The following PCDHA6 variants were observed in gnomAD, a reference collection of about 807,000 sequenced individuals.
The protein encoded by PCDHA6 is protocadherin alpha 6.
A neutral mutation model predicts 60.3 loss-of-function variants in PCDHA6; 55 were observed. The ratio of observed to expected loss-of-function variants is 0.91; its 90% confidence interval spans 0.73 to 1.14. The LOEUF (loss-of-function observed/expected upper bound fraction) is 1.14, where lower values mean the gene tolerates loss of function less well. PCDHA6 is among the 50% of genes most tolerant of loss of function. The probability of loss-of-function intolerance (pLI) is 0.00; values close to 1 mark genes in which losing one functional copy is unlikely to be tolerated. For synonymous variants in PCDHA6, 652 were observed against 557.9 expected (o/e 1.17, Z -2.38); for missense variants, 1,327 against 1,256.5 (o/e 1.06, Z -0.85).
At position 140,854,896 on chromosome 5, in the gene PCDHA6, G is replaced by A. The variant is rs181663374; in HGVS notation, c.2394+24411G>A. Among the ~76,000 whole-genome samples, 38 of 149,756 alleles carry A rather than the reference G, an allele frequency of 2.5e-4. 1 individual carries two copies. Among genetic ancestry groups the A allele is most frequent in the African/African-American group, 4.6e-4 (19 of 40,968 alleles). On this transcript the variant is annotated intron_variant, in intron 1 of 3. Coordinates refer to ENST00000529310, the MANE Select transcript of PCDHA6 (RefSeq NM_018909.4). ...TGTGTCTTTTGGGCATTTGAAAAGC[G>A]TAAATATAACAGGGTTGAAAGCATT...
chr5:140,897,726 A>T (rs149995278), intron 1 of PCDHA6, among the ~76,000 whole-genome samples: 22,632 of 152,088 alleles, frequency 0.15, 1,739 homozygotes, highest in Middle Eastern at 0.2. Flanking sequence ...GCTGGGTCAA[A>T]TAGTATTTCT....
chr5:140,868,968 C>G (rs782210353), intron 1 of PCDHA6: 16 of 1,446,356 alleles, frequency 1.1e-5, no homozygotes, highest in Middle Eastern at 2.0e-4. Flanking sequence ...TACAAAGGAA[C>G]TCCATCATAC....
intron 1 of PCDHA6, among the ~76,000 whole-genome samples, chr5:140,956,666 G>T (rs1232573740): frequency 6.6e-6 from 1 of 152,088 alleles, no homozygotes; most frequent in African/African-American, 2.4e-5. Flanking sequence ...GGCCTTAAAG[G>T]AGTTAGGGAG....
intron 1 of PCDHA6, chr5:140,884,056 G>T (rs782776341): frequency 6.2e-7 from 1 of 1,613,358 alleles, no homozygotes; most frequent in Non-Finnish European, 8.5e-7. Flanking sequence ...AGGTGCGCGC[G>T]GTGGACGCCG....
intron 1 of PCDHA6, among the ~76,000 whole-genome samples, chr5:140,937,820 G>T (rs554138611): frequency 2.6e-5 from 4 of 151,792 alleles, no homozygotes; most frequent in African/African-American, 9.7e-5. Flanking sequence ...GCTGAGGCAG[G>T]AGAATGGCAT....
Position 140,829,457 on chromosome 5 carries a change from G to C in PCDHA6, c.1366G>C (p.Ala456Pro). 2.5e-6 allele frequency: 4 copies of C among 1,613,878 alleles called. No homozygotes were observed. Among genetic ancestry groups the C allele is most frequent in the Non-Finnish European group, 3.4e-6 (4 of 1,180,036 alleles). Reference protein sequence around the residue: ...ADMNDNAPAFAQPEYTVFVKE... With the variant: ...ADMNDNAPAFPQPEYTVFVKE... The stretch of plus-strand genomic sequence containing the variant: ...CATGAATGACAATGCTCCGGCGTTC[G>C]CGCAGCCCGAGTACACAGTGTTCGT... The change falls in exon 1 of 4, where the codon GCG (alanine) becomes CCG (proline). Residue 456 changes from alanine to proline, a missense_variant. Coordinates refer to ENST00000529310, the MANE Select transcript of PCDHA6 (RefSeq NM_018909.4).
chr5:140,943,357 A>G (rs974685573), intron 1 of PCDHA6, among the ~76,000 whole-genome samples: 3 of 152,026 alleles, frequency 2.0e-5, no homozygotes, highest in Non-Finnish European at 4.4e-5. Flanking sequence ...AGTAGAGGAA[A>G]GGAGATCATT....
intron 1 of PCDHA6, among the ~76,000 whole-genome samples, chr5:140,933,701 A>G (rs1204346571): frequency 6.6e-6 from 1 of 151,814 alleles, no homozygotes; most frequent in East Asian, 1.9e-4. Flanking sequence ...CCTCGGACAC[A>G]TTTACTGAGA....
At chr5:140,834,895 G>A (rs1773362050) in intron 1 of PCDHA6, 1 of 1,603,034 alleles carries the variant, frequency 6.2e-7, no homozygotes, top group African/African-American at 1.4e-5. Flanking sequence ...CTCACTTACA[G>A]ACTGAGCCCC....
At chr5:140,877,347 G>A (rs2057054618) in intron 1 of PCDHA6, 3 of 1,614,010 alleles carry the variant, frequency 1.9e-6, no homozygotes, top group Admixed American at 1.7e-5. Flanking sequence ...TCCACGTGGG[G>A]CTGTACACTG....
At chr5:140,877,995 T>A in intron 1 of PCDHA6, 1 of 1,054,404 alleles carries the variant, frequency 9.5e-7, no homozygotes. Context: ...AACTTTTATG[T>A]ATTTGTCTAA....
At chr5:140,862,992 C>A (rs781974665) in intron 1 of PCDHA6, 3 of 548,132 alleles carry the variant, frequency 5.5e-6, no homozygotes, top group Admixed American at 1.9e-5. Flanking sequence ...AAGGTGCGCA[C>A]GGTGGACTCC....
intron 1 of PCDHA6, chr5:140,882,003 G>C: frequency 2.0e-6 from 1 of 492,180 alleles, no homozygotes; most frequent in Non-Finnish European, 3.4e-6. Flanking sequence ...AATGCAAGGG[G>C]CAAAAAAATA....
chr5:140,840,052 T>C (rs1449998966), intron 1 of PCDHA6, among the ~76,000 whole-genome samples: 1 of 152,072 alleles, frequency 6.6e-6, no homozygotes, highest in Non-Finnish European at 1.5e-5. Flanking sequence ...GGAAGTCTAA[T>C]GTCTTGACAA....
intron 1 of PCDHA6, chr5:140,877,261 G>T: frequency 6.2e-7 from 1 of 1,613,814 alleles, no homozygotes; most frequent in South Asian, 1.1e-5. Context: ...AGTGCGCGCG[G>T]TGGACGCTGA....
intron 1 of PCDHA6, among the ~76,000 whole-genome samples, chr5:140,906,048 C>A (rs1482228569): frequency 1.3e-5 from 2 of 152,170 alleles, no homozygotes; most frequent in South Asian, 2.1e-4. Context: ...TTTATTCTGG[C>A]TGCACTGGCA....
chr5:140,893,795 C>T (rs1030354295), intron 1 of PCDHA6, among the ~76,000 whole-genome samples: 34 of 152,002 alleles, frequency 2.2e-4, no homozygotes, highest in African/African-American at 7.7e-4. Context: ...TTAGAATTCC[C>T]TCCTTGTCTT....
At chr5:140,850,542 T>G (rs1554144492) in intron 1 of PCDHA6, 1 of 1,597,608 alleles carries the variant, frequency 6.3e-7, no homozygotes, top group Non-Finnish European at 8.6e-7. Flanking sequence ...GTCGCGGGCG[T>G]CAGTGGGTGC....
At chr5:140,942,667 CA>C (rs2153659637) in intron 1 of PCDHA6, among the ~76,000 whole-genome samples, 1 of 151,384 alleles carries the variant, frequency 6.6e-6, no homozygotes, top group South Asian at 2.1e-4. Flanking sequence ...GCAATAAGCA[CA>C]AAAGTTTTAG....
Sources: allele counts gnomAD v4.1 joint callset (sites outside exome capture counted in the v4.1 genomes callset), GRCh38; gene constraint gnomAD v4.1.1; transcripts MANE v1.5; gene names NCBI Gene and HGNC (gene_info 2026-07-23, HGNC 2026-07-21).